MMP15: variants seen among roughly 807,000 people sequenced by gnomAD.
The protein encoded by MMP15 is matrix metallopeptidase 15.
A neutral mutation model predicts 65.0 loss-of-function variants in MMP15; 36 were observed. That is an observed-to-expected ratio of 0.55 (90% confidence interval 0.42 to 0.73). The LOEUF (loss-of-function observed/expected upper bound fraction) is 0.73, where lower values mean the gene tolerates loss of function less well. Ranked by LOEUF, MMP15 falls within the 30% of genes least tolerant of loss-of-function variation. The pLI is 0.00. For missense variants in MMP15, 870 were observed against 987.8 expected, an observed-to-expected ratio of 0.88 and a Z score of 1.60; for synonymous variants, 428 against 410.2, an observed-to-expected ratio of 1.04 and a Z score of -0.52.
rs1317736845 is a variant in MMP15, at chr16:58,026,342, G to C, written c.-9G>C. The stretch of plus-strand genomic sequence containing the variant: ...TGCAGTGTTCCGAGCTGGGCTGGGC[G>C]CCGAGAGCATGGGCAGCGACCCGAG... On this transcript the variant is annotated 5_prime_UTR_variant, in exon 1 of 10. Transcript: ENST00000219271. 7.5e-7 allele frequency: 1 copy of C among 1,339,158 alleles called. No homozygotes were observed. Among genetic ancestry groups the C allele is most frequent in the Admixed American group, 4.1e-5 (1 of 24,222 alleles). The allele number at this position is 1,339,158 out of a possible 1,614,324, so 83.0% of individuals were successfully genotyped here.
intron 1 of MMP15, among the ~76,000 whole-genome samples, chr16:58,031,852 C>CTTTTTTT (rs1567428486): frequency 8.1e-6 from 1 of 123,374 alleles, no homozygotes; most frequent in African/African-American, 3.8e-5. Flanking sequence ...CTCGATGCCG[C>CTTTTTTT]CTTTTTTTTT....
chr16:58,026,728 T>G (rs1181915280), intron 1 of MMP15, among the ~76,000 whole-genome samples: 3 of 152,108 alleles, frequency 2.0e-5, no homozygotes, highest in African/African-American at 7.2e-5. Flanking sequence ...GGCCTCGCTC[T>G]CCTCCCCGCT....
chr16:58,045,789 A>G lies in MMP15; in HGVS notation c.*343A>G. 1 of 276,144 alleles carries G rather than the reference A, an allele frequency of 3.6e-6. No individual in the cohort carries two copies. The highest frequency in any genetic ancestry group is 6.9e-5 in the South Asian group (1 of 14,524). The allele number at this position is 276,144 out of a possible 1,614,324, so 17.1% of individuals were successfully genotyped here. A position where few individuals can be genotyped will look rare whatever the true frequency, so the allele number is the denominator to read the frequency against. ...GAAGAGCAGCACCTCCTCAGCCTGA[A>G]CCCCAGGGCTGTAACTGCCAGGCTC... On this transcript the variant is annotated 3_prime_UTR_variant, in exon 10 of 10. Transcript: ENST00000219271.
At chr16:58,030,601 C>T (rs890790184) in intron 1 of MMP15, among the ~76,000 whole-genome samples, 29 of 152,308 alleles carry the variant, frequency 1.9e-4, no homozygotes, top group Middle Eastern at 3.4e-3. Flanking sequence ...GTGATGCAGG[C>T]CAAGGTCTAG....
At chr16:58,044,501 T>C (rs1313919320) in intron 9 of MMP15, among the ~76,000 whole-genome samples, 1 of 152,202 alleles carries the variant, frequency 6.6e-6, no homozygotes, top group Non-Finnish European at 1.5e-5. Context: ...CTTGGCACTC[T>C]GCAGCCGCTC....
chr16:58,036,528 G>T (rs1959333514), intron 1 of MMP15, among the ~76,000 whole-genome samples: 1 of 152,234 alleles, frequency 6.6e-6, no homozygotes, highest in Admixed American at 6.5e-5. Context: ...GCCCTAGAAA[G>T]GGAAGGGCAC....
Position 58,026,256 on chromosome 16 carries a change from C to A in MMP15, c.-95C>A. 8.2e-7 allele frequency: 1 copy of A among 1,213,070 alleles called. No homozygotes were observed. Among genetic ancestry groups the A allele is most frequent in the Non-Finnish European group, 1.0e-6 (1 of 969,614 alleles). 75.1% of individuals were successfully genotyped at this position (1,213,070 alleles called of 1,614,324 possible). A position where few individuals can be genotyped will look rare whatever the true frequency, so the allele number is the denominator to read the frequency against. ...CCGGGAGCCCGAGGTCCGCGGCGCG[C>A]CTGCCGGGCCAGGAGCCAGGGAGCG... is the stretch of plus-strand genomic sequence containing the variant. On this transcript the variant is annotated 5_prime_UTR_variant, in exon 1 of 10. Coordinates refer to ENST00000219271, the MANE Select transcript of MMP15 (RefSeq NM_002428.4).
intron 1 of MMP15, among the ~76,000 whole-genome samples, chr16:58,031,059 C>T (rs1281076618): frequency 1.3e-5 from 2 of 152,144 alleles, no homozygotes; most frequent in South Asian, 2.1e-4. Context: ...TAAGCGTTTT[C>T]ACATTTAATC....
intron 1 of MMP15, among the ~76,000 whole-genome samples, chr16:58,030,808 G>A (rs1239682335): frequency 1.3e-5 from 2 of 152,168 alleles, no homozygotes; most frequent in Non-Finnish European, 2.9e-5. Flanking sequence ...TGACAGAAGC[G>A]AATGGCATTT....
At chr16:58,040,901 A>C in intron 5 of MMP15, 1 of 744,368 alleles carries the variant, frequency 1.3e-6, no homozygotes, top group Admixed American at 2.1e-5. Flanking sequence ...CCTGGGCCTC[A>C]CTCGAGGCTG....
chr16:58,033,565 T>TA (rs1959276106), intron 1 of MMP15, among the ~76,000 whole-genome samples: 1 of 152,212 alleles, frequency 6.6e-6, no homozygotes, highest in African/African-American at 2.4e-5. Flanking sequence ...CCTTGCCACT[T>TA]ACCTGAAGTG....
chr16:58,043,730 G>A (rs576151019), intron 9 of MMP15, 103 bp downstream of exon 9: 3 of 793,792 alleles, frequency 3.8e-6, no homozygotes, highest in Non-Finnish European at 5.9e-6. Flanking sequence ...GTGATGGTGT[G>A]TATGGGTGAC....
chr16:58,043,610 T>C lies in MMP15; in HGVS notation c.1553T>C (p.Phe518Ser). The C allele has an allele frequency of 6.2e-7, 1 of 1,611,640 alleles. No homozygotes were observed. Among genetic ancestry groups the C allele is most frequent in the Non-Finnish European group, 8.5e-7 (1 of 1,179,104 alleles). Residue 518 changes from phenylalanine (F) to serine (S), a missense_variant, in exon 9 of 10, where the codon TTC (phenylalanine) becomes TCC (serine). Physicochemically the swap from Phe to Ser is radical, Grantham distance 155. Transcript: ENST00000219271. ...QGIPASPKGA[F>S]LSNDAAYTYF... ...ATCCCTGCCTCCCCTAAAGGGGCCT[T>C]CCTGAGCAATGACGCAGGTACCTGG...
Position 58,037,612 on chromosome 16 carries a change from G to T in MMP15, c.303G>T (p.Glu101Asp). 1 of 1,614,170 alleles carries T rather than the reference G, an allele frequency of 6.2e-7. No individual in the cohort carries two copies. The highest frequency in any genetic ancestry group is 8.5e-7 in the Non-Finnish European group (1 of 1,180,038). The part of the protein sequence containing the change: ...GIPVTGVLDE[E>D]TKEWMKRPRC... ...CAGTCACCGGTGTGCTCGACGAAGA[G>T]ACCAAGGAGTGAGTTCCCCCCACCA... Residue 101 changes from glutamate to aspartate, a missense_variant, in exon 2 of 10, where the codon GAG becomes GAT. Transcript: ENST00000219271.
intron 3 of MMP15, 37 bp from the exon 4 acceptor site, chr16:58,039,838 C>T: frequency 6.4e-7 from 1 of 1,559,422 alleles, no homozygotes. Context: ...AGGCCCTTGG[C>T]CCTGCATCCG....
At position 58,040,617 on chromosome 16, in the gene MMP15, A is replaced by G. The variant is rs756680502; in HGVS notation, c.829A>G (p.Met277Val). The G allele has an allele frequency of 2.5e-6, 4 of 1,614,222 alleles. No individual in the cohort carries two copies. The highest frequency in any genetic ancestry group is 3.4e-6 in the Non-Finnish European group (4 of 1,180,048). The change falls in exon 5 of 10, where the codon ATG becomes GTG. Residue 277 changes from methionine to valine, a missense_variant. Physicochemically the swap from Met to Val is conservative, Grantham distance 21. Coordinates refer to ENST00000219271, the MANE Select transcript of MMP15 (RefSeq NM_002428.4). ...LEHSSNPNAI[M>V]APFYQWKDVD... ...GCACTCCAGCAACCCCAATGCCATC[A>G]TGGCGCCGTTCTACCAGTGGAAGGA... is the stretch of plus-strand genomic sequence containing the variant.
At chr16:58,036,132 G>T (rs540330579) in intron 1 of MMP15, among the ~76,000 whole-genome samples, 104 of 152,308 alleles carry the variant, frequency 6.8e-4, no homozygotes, top group African/African-American at 2.5e-3. Context: ...AGCCTTAAGG[G>T]CTTCTCACTC....
At position 58,043,264 on chromosome 16, in the gene MMP15, C is replaced by T. The variant is rs367977938; in HGVS notation, c.1358C>T (p.Pro453Leu). 3.7e-5 allele frequency: 59 copies of T among 1,602,280 alleles called. No individual in the cohort carries two copies. The highest frequency in any genetic ancestry group is 4.7e-5 in the Non-Finnish European group (55 of 1,173,890). Residue 453 changes from proline (P) to leucine (L), a missense_variant, in exon 8 of 10, where the codon CCG becomes CTG. Physicochemically the swap from Pro to Leu is moderately conservative, Grantham distance 98. Coordinates refer to ENST00000219271, the MANE Select transcript of MMP15 (RefSeq NM_002428.4). ...AACCTGGAGCCCGGCTACCCACAGC[C>T]GCTGACCAGCTATGGCCTGGGCATC... ...EANLEPGYPQ[P>L]LTSYGLGIPY... is the part of the protein sequence containing the mutation.
intron 1 of MMP15, among the ~76,000 whole-genome samples, chr16:58,032,306 C>T (rs910390171): frequency 2.6e-5 from 4 of 152,208 alleles, no homozygotes; most frequent in Non-Finnish European, 5.9e-5. Flanking sequence ...AGCCGTCTTC[C>T]GTTGCTGGGA....
Sources: gnomAD v4.1 joint callset for allele counts (sites outside exome capture counted in the v4.1 genomes callset) on GRCh38, gnomAD v4.1.1 for gene constraint, MANE v1.5 for transcripts, NCBI Gene and HGNC (gene_info 2026-07-23, HGNC 2026-07-21) for gene names.